TMCC2: variants seen among roughly 807,000 people sequenced by gnomAD.
TMCC2 encodes the protein transmembrane and coiled-coil domains protein 2.
Under a neutral mutation model 49.4 loss-of-function variants are expected in TMCC2, and 16 were observed. The ratio of observed to expected loss-of-function variants is 0.32; its 90% CI spans 0.22 to 0.49. The LOEUF is 0.49. Among genes scored for constraint, TMCC2 ranks in the 20% least tolerant of loss-of-function variants. The pLI is 0.99. For missense variants in TMCC2, 762 were observed against 989.8 expected (o/e 0.77, Z 3.09); for synonymous variants, 397 against 434.1 (o/e 0.91, Z 1.06).
At chr1:205,242,928 G>A (rs1660326741) in intron 2 of TMCC2, among the ~76,000 whole-genome samples, 9 of 152,232 alleles carry the variant, frequency 5.9e-5, no homozygotes, top group Admixed American at 5.9e-4. Flanking sequence ...GGCTACTGGG[G>A]GTTCATTATG....
In TMCC2 at chr1:205,269,350, G is replaced by A; in HGVS notation, c.1148G>A (p.Gly383Glu). 6.2e-7 allele frequency: 1 copy of A among 1,612,678 alleles called. No individual in the cohort carries two copies. Among genetic ancestry groups the A allele is most frequent in the Non-Finnish European group, 8.5e-7 (1 of 1,179,512 alleles). Residue 383 changes from glycine to glutamate, a missense_variant, in exon 3 of 5, where the codon GGG (glycine) becomes GAG (glutamate). By Grantham distance (98) the Gly-to-Glu change is moderately conservative. This residue lies in a region of TMCC2 where 440 missense variants were observed against 636.7 expected (regional missense o/e 0.69). Transcript: ENST00000358024. ...PKDVLRDMQQ[G>E]LKDVGANVRA... ...GACGTGCTGCGGGACATGCAGCAGG[G>A]GCTGAAGGACGTGGGCGCCAACGTG...
chr1:205,252,976 A>G (rs1029194357), intron 2 of TMCC2, among the ~76,000 whole-genome samples: 6 of 151,884 alleles, frequency 4.0e-5, no homozygotes, highest in Admixed American at 1.3e-4. Flanking sequence ...AAAAATAATA[A>G]TAATAAAACT....
chr1:205,234,719 G>A (rs1659964137), intron 1 of TMCC2, among the ~76,000 whole-genome samples: 1 of 151,822 alleles, frequency 6.6e-6, no homozygotes. Context: ...GAGTGCAGTG[G>A]CGCAATCTTG....
intron 1 of TMCC2, among the ~76,000 whole-genome samples, chr1:205,232,201 A>C (rs566938102): frequency 4.3e-4 from 65 of 152,186 alleles, no homozygotes; most frequent in Non-Finnish European, 7.9e-4. Flanking sequence ...AGTAGTAGTT[A>C]AGCAGCAATT....
chr1:205,257,675 A>G (rs970335470), intron 2 of TMCC2, among the ~76,000 whole-genome samples: 1 of 152,134 alleles, frequency 6.6e-6, no homozygotes, highest in Non-Finnish European at 1.5e-5. Flanking sequence ...GCACCTTATT[A>G]AGTGGAGGGG....
chr1:205,235,190 C>G (rs1423609593), intron 1 of TMCC2, among the ~76,000 whole-genome samples: 4 of 152,070 alleles, frequency 2.6e-5, no homozygotes, highest in African/African-American at 4.8e-5. Context: ...TGCCTCCCCC[C>G]CACCCCCTCC....
intron 1 of TMCC2, chr1:205,229,565 C>CGGGGGGGGGGGGGGGGGGGG (rs1659708292): frequency 2.1e-6 from 1 of 480,340 alleles, no homozygotes; most frequent in Non-Finnish European, 2.3e-6. Flanking sequence ...GGGGTGGTGG[C>CGGGGGGGGGGGGGGGGGGGG]GGGGGCGGGG....
At chr1:205,259,026 T>C (rs1390203721) in intron 2 of TMCC2, among the ~76,000 whole-genome samples, 1 of 152,192 alleles carries the variant, frequency 6.6e-6, no homozygotes, top group African/African-American at 2.4e-5. Flanking sequence ...TCTGACCCAC[T>C]GGGAGCCCAG....
chr1:205,229,553 G>GT (rs1659703735), intron 1 of TMCC2: 2 of 696,508 alleles, frequency 2.9e-6, no homozygotes, highest in Non-Finnish European at 1.7e-6. Context: ...GGCGGGGGGG[G>GT]GGGGGTGGTG....
Position 205,269,454 on chromosome 1 carries a change from C to T in TMCC2, c.1252C>T (p.His418Tyr). 6.2e-7 allele frequency: 1 copy of T among 1,606,316 alleles called. No homozygotes were observed. ...CCTCTCTGGCCTCTCACAGGCCACC[C>T]ACACCGCCGTGGTGTCCAAGCCCCG... ...GSLSGLSQAT[H>Y]TAVVSKPREF... is the part of the protein sequence containing the mutation. Residue 418 changes from histidine to tyrosine, a missense_variant, in exon 3 of 5, where the codon CAC (histidine) becomes TAC (tyrosine). By Grantham distance (83) the His-to-Tyr change is moderately conservative (BLOSUM62 2). Transcript: ENST00000358024.
intron 1 of TMCC2, among the ~76,000 whole-genome samples, chr1:205,229,373 G>T (rs933208007): frequency 6.6e-6 from 1 of 151,872 alleles, no homozygotes; most frequent in Non-Finnish European, 1.5e-5. Flanking sequence ...ATTTTTAGTA[G>T]AGACGGGGTT....
Position 205,272,294 on chromosome 1 carries a change from G to C in TMCC2, c.*170G>C. ...TGCTTCTGTCTGACACCTTCTCCCT[G>C]TTGGCCTGAAGGGAGCTTAGAATGC... On this transcript the variant is annotated 3_prime_UTR_variant, in exon 5 of 5. Transcript: ENST00000358024. 7.4e-7 allele frequency: 1 copy of C among 1,343,360 alleles called. No homozygotes were observed. Among genetic ancestry groups the C allele is most frequent in the Admixed American group, 2.8e-5 (1 of 35,608 alleles). 83.2% of individuals were successfully genotyped at this position (1,343,360 alleles called of 1,614,324 possible).
At chr1:205,263,088 C>G (rs920767696) in intron 2 of TMCC2, among the ~76,000 whole-genome samples, 1 of 152,138 alleles carries the variant, frequency 6.6e-6, no homozygotes, top group African/African-American at 2.4e-5. Context: ...CCTCCCGCAA[C>G]ACACACAAAC....
chr1:205,271,141 GC>G lies in TMCC2; in HGVS notation c.1705del (p.Leu569SerfsTer4). 6.2e-7 allele frequency: 1 copy of G among 1,613,024 alleles called. No individual in the cohort carries two copies. Among genetic ancestry groups the G allele is most frequent in the Non-Finnish European group, 8.5e-7 (1 of 1,179,972 alleles). On this transcript the variant is annotated frameshift_variant, in exon 4 of 5. Coordinates refer to ENST00000358024, the MANE Select transcript of TMCC2 (RefSeq NM_014858.4). LOFTEE classifies it high-confidence loss of function. ...CCAGGTACGAGCGGCTGGAGGAGCA[GC>G]TCAACGACCTGACTGAGCTTCATCA... ...RYRYERLEEQ[L>X]NDLTELHQNE...
At chr1:205,250,714 G>C (rs1178797683) in intron 2 of TMCC2, among the ~76,000 whole-genome samples, 1 of 152,116 alleles carries the variant, frequency 6.6e-6, no homozygotes, top group Non-Finnish European at 1.5e-5. Context: ...GCAAAACTTG[G>C]TGGGAGACAA....
intron 2 of TMCC2, among the ~76,000 whole-genome samples, chr1:205,251,166 C>T (rs998763326): frequency 2.0e-5 from 3 of 152,220 alleles, no homozygotes; most frequent in Admixed American, 6.5e-5. Context: ...ACTGAATGTA[C>T]ACACCCTATT....
rs1661384082 is a variant in TMCC2, at chr1:205,267,350, G to A, written c.748-1600G>A. The stretch of plus-strand genomic sequence containing the variant: ...AGTGACTTATGCCTGTAATTGGCAG[G>A]GACTGTTTCCAGTTCTGGTGCATGT... On this transcript the variant is annotated intron_variant, in intron 2 of 4. Transcript: ENST00000358024. Among the ~76,000 whole-genome samples the A allele has an allele frequency of 1.3e-5, 2 of 152,122 alleles. 1 individual carries two copies. Among genetic ancestry groups the A allele is most frequent in the South Asian group, 4.1e-4 (2 of 4,830 alleles).
At chr1:205,229,840 T>G (rs987262908) in intron 1 of TMCC2, 87 of 985,256 alleles carry the variant, frequency 8.8e-5, no homozygotes, top group Non-Finnish European at 1.0e-4. Flanking sequence ...TGAATATATC[T>G]CTATCAATTA....
At chr1:205,240,541 G>A (rs1660224183) in intron 1 of TMCC2, among the ~76,000 whole-genome samples, 1 of 152,228 alleles carries the variant, frequency 6.6e-6, no homozygotes, top group South Asian at 2.1e-4. Context: ...GAAATTGGTT[G>A]CAAATAACAG....
Sources: gnomAD v4.1 joint callset for allele counts (sites outside exome capture counted in the v4.1 genomes callset) on GRCh38, gnomAD v4.1.1 for gene constraint, gnomAD v4.1.1 regional missense constraint, MANE v1.5 for transcripts, NCBI Gene and HGNC (gene_info 2026-07-23, HGNC 2026-07-21) for gene names.